Variants in DPH6 observed in about 807,000 individuals in gnomAD.
DPH6 encodes diphthine--ammonia ligase.
A neutral mutation model predicts 38.2 loss-of-function variants in DPH6; 33 were observed. The observed-to-expected ratio is 0.86, with a 90% CI of 0.65 to 1.15. The LOEUF (loss-of-function observed/expected upper bound fraction) is 1.15, where lower values mean the gene tolerates loss of function less well. DPH6 is among the 50% of genes most tolerant of loss of function. The probability of loss-of-function intolerance (pLI) is 0.00; values close to 1 mark genes in which losing one functional copy is unlikely to be tolerated. For missense variants in DPH6, 325 were observed against 320.0 expected, an observed-to-expected ratio of 1.02 and a Z score of -0.12; for synonymous variants, 108 against 103.0, an observed-to-expected ratio of 1.05 and a Z score of -0.30.
chr15:35,431,768 C>G (rs1255387512), intron 5 of DPH6, among the ~76,000 whole-genome samples: 2 of 152,170 alleles, frequency 1.3e-5, no homozygotes, highest in East Asian at 3.9e-4. Flanking sequence ...ATCTTGGCTC[C>G]CCTTAGAACC....
intron 3 of DPH6, among the ~76,000 whole-genome samples, chr15:35,315,895 G>A (rs2052184435): frequency 6.6e-6 from 1 of 152,142 alleles, no homozygotes; most frequent in South Asian, 2.1e-4. Context: ...GCAGCAACAT[G>A]GATGGAACTG....
chr15:35,250,893 T>G (rs577101978), intron 3 of DPH6, among the ~76,000 whole-genome samples: 82 of 152,236 alleles, frequency 5.4e-4, no homozygotes, highest in Non-Finnish European at 2.5e-4. Context: ...ATTTTTTAAA[T>G]GTATATTCCC....
chr15:35,479,607 T>C (rs1449911385), intron 3 of DPH6, among the ~76,000 whole-genome samples: 2 of 152,096 alleles, frequency 1.3e-5, no homozygotes, highest in Non-Finnish European at 2.9e-5. Context: ...GGTTACAGGA[T>C]GAAATTCAAA....
chr15:35,361,271 G>C (rs914385412), intron 3 of DPH6, among the ~76,000 whole-genome samples: 1 of 152,150 alleles, frequency 6.6e-6, no homozygotes, highest in African/African-American at 2.4e-5. Context: ...ACTCCCACAA[G>C]GGCATTTTCG....
the DPH6 span, among the ~76,000 whole-genome samples, chr15:35,185,818 T>C: frequency 1.4e-4 from 21 of 148,410 alleles, 1 homozygote; most frequent in East Asian, 3.8e-3. Flanking sequence ...CTGCAAGCTC[T>C]GCCTCCCGGG....
chr15:35,365,852 C>A (rs2052653738), intron 3 of DPH6: 1 of 985,122 alleles, frequency 1.0e-6, no homozygotes, highest in African/African-American at 1.7e-5. Flanking sequence ...AGTGACCCAG[C>A]AGTACCTACA....
chr15:35,206,885 A>G, the DPH6 span, among the ~76,000 whole-genome samples: 1 of 152,132 alleles, frequency 6.6e-6, no homozygotes, highest in Non-Finnish European at 1.5e-5. Flanking sequence ...ACTACAACCC[A>G]TAAGCCTCCT....
chr15:35,525,858 C>A (rs949048561), intron 3 of DPH6, among the ~76,000 whole-genome samples: 1 of 152,012 alleles, frequency 6.6e-6, no homozygotes, highest in East Asian at 1.9e-4. Context: ...TTTTTCCTCT[C>A]CCAGAAAAAT....
intron 6 of DPH6, among the ~76,000 whole-genome samples, chr15:35,399,058 C>A (rs552620817): frequency 1.3e-5 from 2 of 152,124 alleles, no homozygotes; most frequent in African/African-American, 2.4e-5. Flanking sequence ...AGGCTCCCTG[C>A]TCTTAAATAT....
intron 3 of DPH6, chr15:35,299,216 A>C: frequency 1.6e-6 from 2 of 1,274,314 alleles, no homozygotes; most frequent in Non-Finnish European, 2.3e-6. Context: ...CCTTCAGCCC[A>C]GCTGGCACAT....
chr15:35,473,935 TGTGTGTGTGTGTGTGTGTGTGTGC>T (rs1377805620), intron 3 of DPH6, among the ~76,000 whole-genome samples: 4 of 91,722 alleles, frequency 4.4e-5, no homozygotes, highest in South Asian at 1.1e-3. Flanking sequence ...TGTGTGTGTG[TGTGTGTGTGTGTGTGTGTGTGTGC>T]GCGCGCGCGC....
chr15:35,336,018 C>A (rs144726956), intron 3 of DPH6, among the ~76,000 whole-genome samples: 1 of 151,890 alleles, frequency 6.6e-6, no homozygotes, highest in Non-Finnish European at 1.5e-5. Context: ...TCCATGAGCA[C>A]TGAATCTTTA....
intron 3 of DPH6, chr15:35,299,310 T>C: frequency 9.8e-7 from 1 of 1,016,282 alleles, no homozygotes; most frequent in Non-Finnish European, 1.6e-6. Context: ...CTGTACCTTG[T>C]TTCGTCCTTT....
At chr15:35,154,559 T>C in the DPH6 span, among the ~76,000 whole-genome samples, 18 of 152,288 alleles carry the variant, frequency 1.2e-4, no homozygotes, top group African/African-American at 4.1e-4. Context: ...GTCAGGCACA[T>C]AGTAGGTGCT....
downstream of DPH6, chr15:35,365,886 A>T (rs1464366267): frequency 1.0e-6 from 1 of 985,114 alleles, no homozygotes; most frequent in Non-Finnish European, 1.2e-6. Context: ...TCAAGCCCCA[A>T]GTTGTCTCAT....
chr15:35,381,695 T>A lies in DPH6; in HGVS notation c.662+127A>T, dbSNP rs546802154. 8.4e-6 allele frequency: 6 copies of A among 715,000 alleles called. No individual in the cohort carries two copies. The African/African-American group carries it at 1.1e-4, about 13-fold the overall frequency. The allele number at this position is 715,000 out of a possible 1,614,324, so 44.3% of individuals were successfully genotyped here. On this transcript the variant is annotated intron_variant, in intron 7 of 8. Transcript: ENST00000256538. ...ATAACTTCACTGGTATTAAACAAAT[T>A]GAGTGTTTGTGAACTTAGAAGACAT...
chr15:35,334,769 G>A lies in DPH6; in HGVS notation n.208-3692C>T, dbSNP rs1262177495. On this transcript the variant is annotated intron_variant and non_coding_transcript_variant, in intron 3 of 3. Coordinates refer to the DPH6 transcript ENST00000558973. ...TTTTTATGGCTGCACAGTATTCCAC[G>A]GTGTATATGTACCAGATTTTCTTTA... Among the ~76,000 whole-genome samples, 8 of 152,218 alleles carry A rather than the reference G, an allele frequency of 5.3e-5. No homozygotes were observed. The East Asian group carries it at 7.7e-4, about 15-fold the overall frequency.
intron 6 of DPH6, among the ~76,000 whole-genome samples, chr15:35,393,923 A>G (rs1366342225): frequency 1.3e-5 from 2 of 152,124 alleles, no homozygotes; most frequent in Non-Finnish European, 2.9e-5. Context: ...TAGAGAACTT[A>G]GTATGAGTAG....
chr15:35,185,121 A>C, the DPH6 span, among the ~76,000 whole-genome samples: 1 of 152,222 alleles, frequency 6.6e-6, no homozygotes, highest in Non-Finnish European at 1.5e-5. Flanking sequence ...TGACTTAAAA[A>C]AATAGTGCTC....
Sources: gnomAD v4.1 joint callset for allele counts (sites outside exome capture counted in the v4.1 genomes callset) on GRCh38, gnomAD v4.1.1 for gene constraint, MANE v1.5 for transcripts, NCBI Gene and HGNC (gene_info 2026-07-23, HGNC 2026-07-21) for gene names.